FAF1: variants seen among roughly 807,000 people sequenced by gnomAD.
FAF1 encodes the protein FAS-associated factor 1.
FAF1 carries 25 observed loss-of-function variants against 92.5 expected under a neutral mutation model. The ratio of observed to expected loss-of-function variants is 0.27; its 90% CI spans 0.20 to 0.38. FAF1 has a LOEUF of 0.38. Among genes scored for constraint, FAF1 ranks in the 10% least tolerant of loss-of-function variants. The probability of loss-of-function intolerance (pLI) is 1.00; values close to 1 mark genes in which losing one functional copy is unlikely to be tolerated. For missense variants in FAF1, 636 were observed against 793.3 expected (o/e 0.80, Z 2.38); for synonymous variants, 234 against 273.2 (o/e 0.86, Z 1.42).
chr1:50,846,259 A>G (rs1644298250), intron 2 of FAF1, among the ~76,000 whole-genome samples: 1 of 151,692 alleles, frequency 6.6e-6, no homozygotes, highest in Admixed American at 6.6e-5. Context: ...AAAAAAAAAG[A>G]AAAGAAAAAG....
At chr1:50,498,443 G>T (rs1167391435) in intron 15 of FAF1, among the ~76,000 whole-genome samples, 1 of 152,172 alleles carries the variant, frequency 6.6e-6, no homozygotes, top group Non-Finnish European at 1.5e-5. Context: ...ACTCAAGAGA[G>T]TGGAAAGATA....
chr1:50,659,765 T>C (rs1655291257), intron 7 of FAF1, among the ~76,000 whole-genome samples: 1 of 152,226 alleles, frequency 6.6e-6, no homozygotes, highest in South Asian at 2.1e-4. Context: ...TCTAGAGTTC[T>C]AGATTGACAA....
chr1:50,450,691 G>A (rs1265292592), intron 18 of FAF1, among the ~76,000 whole-genome samples: 1 of 152,174 alleles, frequency 6.6e-6, no homozygotes, highest in Non-Finnish European at 1.5e-5. Context: ...AAAGAAAGCA[G>A]TTATACCCAC....
At chr1:50,782,542 T>G (rs1273058225) in intron 4 of FAF1, among the ~76,000 whole-genome samples, 1 of 149,682 alleles carries the variant, frequency 6.7e-6, no homozygotes, top group Non-Finnish European at 1.5e-5. Context: ...TCAAAAAATT[T>G]TTTATTTTTA....
chr1:50,758,919 T>C (rs1284986480), intron 4 of FAF1, among the ~76,000 whole-genome samples: 1 of 152,084 alleles, frequency 6.6e-6, no homozygotes, highest in Non-Finnish European at 1.5e-5. Context: ...CTCGGCTCTC[T>C]GCAAGCTCTG....
chr1:50,685,420 A>G (rs1050352209), intron 7 of FAF1, among the ~76,000 whole-genome samples: 2 of 152,348 alleles, frequency 1.3e-5, no homozygotes, highest in Non-Finnish European at 2.9e-5. Context: ...AACTACTGCT[A>G]TAGTATATAG....
intron 9 of FAF1, among the ~76,000 whole-genome samples, chr1:50,588,703 A>T (rs1651362150): frequency 6.6e-6 from 1 of 152,132 alleles, no homozygotes; most frequent in Admixed American, 6.5e-5. Flanking sequence ...TGACGGCAAA[A>T]GTTGTGGGAG....
intron 1 of FAF1, among the ~76,000 whole-genome samples, chr1:50,939,350 A>C (rs1453176654): frequency 3.3e-5 from 5 of 152,098 alleles, no homozygotes; most frequent in South Asian, 2.1e-4. Context: ...TGTGCTCTTG[A>C]TTTGACTCTA....
At chr1:50,615,419 CTCTGATTTAAGT>C (rs1652868984) in intron 8 of FAF1, among the ~76,000 whole-genome samples, 1 of 152,140 alleles carries the variant, frequency 6.6e-6, no homozygotes, top group African/African-American at 2.4e-5. Flanking sequence ...TGAATGGTAG[CTCTGATTTAAGT>C]TCTTTGAGAA....
At chr1:50,632,022 A>G (rs1227565482) in intron 8 of FAF1, among the ~76,000 whole-genome samples, 5 of 152,222 alleles carry the variant, frequency 3.3e-5, no homozygotes, top group Non-Finnish European at 7.4e-5. Context: ...TAGTATATAC[A>G]GAGGTTGGTA....
chr1:50,586,614 TA>T (rs1012310336), intron 9 of FAF1, among the ~76,000 whole-genome samples: 4 of 152,226 alleles, frequency 2.6e-5, no homozygotes, highest in African/African-American at 4.8e-5. Flanking sequence ...CCTGCCATCT[TA>T]ACTCTACTTC....
chr1:50,557,925 T>TATTTATTTA (rs1381768807), intron 13 of FAF1, among the ~76,000 whole-genome samples: 25 of 152,022 alleles, frequency 1.6e-4, no homozygotes, highest in Non-Finnish European at 3.2e-4. Flanking sequence ...TTTATTTATT[T>TATTTATTTA]ATTTAGATAC....
Position 50,540,905 on chromosome 1 carries a change from T to C in FAF1, c.1269-1177A>G, listed in dbSNP as rs1383592441. Among the ~76,000 whole-genome samples the C allele has an allele frequency of 6.6e-5, 10 of 152,228 alleles. No individual in the cohort carries two copies. In the East Asian group the frequency reaches 1.5e-3, roughly 23 times the overall value. ...GTACTGGCTTATTAATTCTTAATTA[T>C]GTTCATGAAAGGCAACTTAAATCGT... On this transcript the variant is annotated intron_variant, in intron 13 of 18. Transcript: ENST00000396153.
At chr1:50,730,932 C>A (rs1449328565) in intron 6 of FAF1, among the ~76,000 whole-genome samples, 1 of 152,190 alleles carries the variant, frequency 6.6e-6, no homozygotes, top group African/African-American at 2.4e-5. Flanking sequence ...GTCCTTCTTG[C>A]CTAGGAACTG....
chr1:50,859,183 T>A (rs545175172), intron 1 of FAF1, among the ~76,000 whole-genome samples: 1 of 152,018 alleles, frequency 6.6e-6, no homozygotes, highest in East Asian at 1.9e-4. Flanking sequence ...ACTGGAAGCA[T>A]TCCTCTTGAG....
At chr1:50,890,190 CT>C (rs1383169391) in intron 1 of FAF1, among the ~76,000 whole-genome samples, 2 of 152,150 alleles carry the variant, frequency 1.3e-5, no homozygotes, top group South Asian at 4.1e-4. Context: ...CAACCCCTGC[CT>C]TTTTTTGCTT....
chr1:50,824,816 G>T (rs1644080144), intron 2 of FAF1, among the ~76,000 whole-genome samples: 1 of 152,090 alleles, frequency 6.6e-6, no homozygotes, highest in Non-Finnish European at 1.5e-5. Context: ...TAGAAATGAA[G>T]AACATTATAT....
At chr1:50,476,487 G>T (rs1446327471) in intron 17 of FAF1, among the ~76,000 whole-genome samples, 1 of 152,144 alleles carries the variant, frequency 6.6e-6, no homozygotes, top group Non-Finnish European at 1.5e-5. Context: ...CATGGCTAGC[G>T]TGGGCTTGAA....
rs1553124963 is a variant in FAF1, at chr1:50,651,829, C to CAAATATAGACT, written c.744+3602_744+3612dup. On this transcript the variant is annotated intron_variant, in intron 8 of 18. Coordinates refer to ENST00000396153, the MANE Select transcript of FAF1 (RefSeq NM_007051.3). ...AGTATAAAAACACCACCGCCTGCAA[C>CAAATATAGACT]AAATATAGACTACAAGTACCAGTTT... Among the ~76,000 whole-genome samples, 3 of 152,254 alleles carry CAAATATAGACT rather than the reference C, an allele frequency of 2.0e-5. No individual in the cohort carries two copies. The East Asian group carries it at 5.8e-4, about 29-fold the overall frequency.
Sources: allele counts gnomAD v4.1 joint callset (sites outside exome capture counted in the v4.1 genomes callset), GRCh38; gene constraint gnomAD v4.1.1; transcripts MANE v1.5; gene names NCBI Gene and HGNC (gene_info 2026-07-23, HGNC 2026-07-21).